ROR2: variants seen among roughly 807,000 people sequenced by gnomAD.
ROR2 encodes ROR family WNT receptor 2, also known as tyrosine-protein kinase transmembrane receptor ROR2.
Under a neutral mutation model 74.9 loss-of-function variants are expected in ROR2, and 33 were observed. The observed-to-expected ratio is 0.44, with a 90% CI of 0.33 to 0.59. The LOEUF (loss-of-function observed/expected upper bound fraction) is 0.59. Among genes scored for constraint, ROR2 ranks in the 20% least tolerant of loss-of-function variants. The pLI is 0.02. For synonymous variants in ROR2, 586 were observed against 558.7 expected, an observed-to-expected ratio of 1.05 and a Z score of -0.69; for missense variants, 1,216 against 1,313.8, an observed-to-expected ratio of 0.93 and a Z score of 1.15.
At chr9:91,782,584 CAAAA>C (rs55664591) in intron 1 of ROR2, among the ~76,000 whole-genome samples, 13 of 79,786 alleles carry the variant, frequency 1.6e-4, no homozygotes, top group African/African-American at 3.5e-4. Flanking sequence ...TAGCTGATAG[CAAAA>C]AAAAAAAAAA....
chr9:91,754,645 ACT>A (rs981852185), intron 4 of ROR2, among the ~76,000 whole-genome samples: 13 of 152,050 alleles, frequency 8.5e-5, no homozygotes, highest in African/African-American at 2.9e-4. Context: ...ACAGGGCGAG[ACT>A]CTGTCTCAAA....
chr9:91,731,235 C>T, intron 6 of ROR2, 80 bp from the exon 7 acceptor site: 1 of 1,589,842 alleles, frequency 6.3e-7, no homozygotes, highest in Non-Finnish European at 8.6e-7. Context: ...ACTAGAATTT[C>T]CAAAAGATCC....
At chr9:91,745,365 TC>T (rs1825376629) in intron 4 of ROR2, among the ~76,000 whole-genome samples, 1 of 151,018 alleles carries the variant, frequency 6.6e-6, no homozygotes, top group Admixed American at 6.6e-5. Context: ...CCTCAGATGA[TC>T]CACCCACCTT....
chr9:91,821,374 A>G (rs1390666954), intron 1 of ROR2, among the ~76,000 whole-genome samples: 1 of 152,148 alleles, frequency 6.6e-6, no homozygotes, highest in Admixed American at 6.5e-5. Flanking sequence ...ATTATTGCCC[A>G]ACTCCTTTAG....
At chr9:91,909,847 G>GTTTTTTTTGTT (rs1830918516) in intron 1 of ROR2, among the ~76,000 whole-genome samples, 3 of 53,598 alleles carry the variant, frequency 5.6e-5, no homozygotes, top group Non-Finnish European at 3.1e-5. Flanking sequence ...GGTTTGTTTT[G>GTTTTTTTTGTT]TTTTTTTTTT....
intron 1 of ROR2, among the ~76,000 whole-genome samples, chr9:91,841,891 G>T (rs1435862574): frequency 6.6e-6 from 1 of 152,190 alleles, no homozygotes; most frequent in Non-Finnish European, 1.5e-5. Flanking sequence ...GCATGGCCCT[G>T]GCAGCCACCA....
In ROR2 at chr9:91,948,898, G is replaced by A. The variant is rs963505607; in HGVS notation, c.97+969C>T. 1.9e-5 allele frequency: 19 copies of A among 985,116 alleles called. No individual in the cohort carries two copies. In the South Asian group the frequency reaches 3.3e-4, roughly 17 times the overall value. The allele number at this position is 985,116 out of a possible 1,614,324, so 61.0% of individuals were successfully genotyped here. ...CCGGCCCGAGGCGCGCGGGCGGGAG[G>A]TGCTCCCGGAGTCTGCACCGCCAGA... is the stretch of plus-strand genomic sequence containing the variant. On this transcript the variant is annotated intron_variant, in intron 1 of 8. Coordinates refer to ENST00000375708, the MANE Select transcript of ROR2 (RefSeq NM_004560.4).
intron 6 of ROR2, 130 bp from the exon 7 acceptor site, chr9:91,731,285 G>T: frequency 7.6e-7 from 1 of 1,320,644 alleles, no homozygotes. Flanking sequence ...GGCATTAAAA[G>T]TAATGGCTTA....
chr9:91,772,680 TC>T (rs1167446277), intron 2 of ROR2, among the ~76,000 whole-genome samples: 4 of 152,200 alleles, frequency 2.6e-5, no homozygotes, highest in African/African-American at 9.7e-5. Context: ...TCTGGACAGG[TC>T]CGAGGCAAAC....
intron 2 of ROR2, among the ~76,000 whole-genome samples, chr9:91,768,639 C>T (rs1306646865): frequency 6.6e-6 from 1 of 152,150 alleles, no homozygotes; most frequent in Non-Finnish European, 1.5e-5. Context: ...AGAACGCTAC[C>T]CCTGGGAGAA....
chr9:91,841,487 A>T (rs1563993310), intron 1 of ROR2, among the ~76,000 whole-genome samples: 1 of 152,254 alleles, frequency 6.6e-6, no homozygotes, highest in Non-Finnish European at 1.5e-5. Flanking sequence ...AAAGGCCGGA[A>T]GCTCTTCAAA....
chr9:91,937,378 C>A (rs929814286), intron 1 of ROR2, among the ~76,000 whole-genome samples: 2 of 152,066 alleles, frequency 1.3e-5, no homozygotes, highest in African/African-American at 4.8e-5. Flanking sequence ...GAGGATGAGG[C>A]GAGTTTCTGA....
At chr9:91,730,157 G>C (rs1005397147) in intron 7 of ROR2, among the ~76,000 whole-genome samples, 1 of 152,098 alleles carries the variant, frequency 6.6e-6, no homozygotes, top group African/African-American at 2.4e-5. Flanking sequence ...TGCTCAGACT[G>C]GTTTCAAGCT....
At chr9:91,930,183 A>C (rs1831513762) in intron 1 of ROR2, among the ~76,000 whole-genome samples, 1 of 152,240 alleles carries the variant, frequency 6.6e-6, no homozygotes, top group South Asian at 2.1e-4. Context: ...GCTTTTATAC[A>C]GACCTAGGTC....
At position 91,756,073 on chromosome 9, in the gene ROR2, A is replaced by T. The variant is rs1428164118; in HGVS notation, c.492T>A (p.Phe164Leu). 2 of 1,613,918 alleles carry T rather than the reference A, an allele frequency of 1.2e-6. No homozygotes were observed. Among genetic ancestry groups the T allele is most frequent in the Non-Finnish European group, 1.7e-6 (2 of 1,179,870 alleles). Residue 164 changes from phenylalanine to leucine, a missense_variant and splice_region_variant, in exon 4 of 9, where the codon TTT becomes TTA. Transcript: ENST00000375708. ...LGPTHSPNHN[F>L]QDDYHEDGFC... ...GCTTGGGGAAAACAGATACTTACTG[A>T]AAGTTATGATTTGGGCTGTGCGTTG...
intron 1 of ROR2, among the ~76,000 whole-genome samples, chr9:91,798,179 G>T (rs34532103): frequency 9.1e-5 from 5 of 54,786 alleles, no homozygotes; most frequent in Admixed American, 1.7e-4. Context: ...GCTAGTGGGT[G>T]GAGTTGACAC....
chr9:91,910,956 G>A (rs143138789), intron 1 of ROR2, among the ~76,000 whole-genome samples: 4,853 of 152,262 alleles, frequency 0.032, 119 homozygotes, highest in South Asian at 0.062. Flanking sequence ...TAGCCACCGC[G>A]CCCAGCCAAC....
At chr9:91,826,587 C>T (rs1305402868) in intron 1 of ROR2, among the ~76,000 whole-genome samples, 5 of 152,056 alleles carry the variant, frequency 3.3e-5, no homozygotes, top group Admixed American at 1.3e-4. Flanking sequence ...CGAGACCATC[C>T]TGGCTAACAC....
intron 1 of ROR2, among the ~76,000 whole-genome samples, chr9:91,868,819 G>C (rs2119325315): frequency 6.6e-6 from 1 of 152,198 alleles, no homozygotes; most frequent in East Asian, 1.9e-4. Flanking sequence ...TGAAGGAAGT[G>C]CTTCATGCAG....
Sources: allele counts gnomAD v4.1 joint callset (sites outside exome capture counted in the v4.1 genomes callset), GRCh38; gene constraint gnomAD v4.1.1; transcripts MANE v1.5; gene names NCBI Gene and HGNC (gene_info 2026-07-23, HGNC 2026-07-21).